Variants in TRAF7 observed in about 807,000 individuals in gnomAD.
TRAF7 encodes TNF receptor associated factor 7.
TRAF7 carries 45 observed loss-of-function variants against 89.3 expected under a neutral mutation model. That is an observed-to-expected ratio of 0.50 (90% CI 0.40 to 0.65). The LOEUF is 0.65. Among genes scored for constraint, TRAF7 ranks in the 30% least tolerant of loss-of-function variants. The probability of loss-of-function intolerance (pLI) is 0.00; values close to 1 mark genes in which losing one functional copy is unlikely to be tolerated. For missense variants in TRAF7, 677 were observed against 918.1 expected, an observed-to-expected ratio of 0.74 and a Z score of 3.39; for synonymous variants, 406 against 369.2, an observed-to-expected ratio of 1.10 and a Z score of -1.14.
At chr16:2,172,746 C>T in intron 9 of TRAF7, 147 bp downstream of exon 9, 1 of 1,117,758 alleles carries the variant, frequency 8.9e-7, no homozygotes, top group South Asian at 1.6e-5. Context: ...GCCCAAGGCC[C>T]TGGAAACCCA....
chr16:2,170,557 C>G lies in TRAF7; in HGVS notation c.232-57C>G. 2.2e-6 allele frequency: 3 copies of G among 1,388,818 alleles called. No individual in the cohort carries two copies. In the South Asian group the frequency reaches 3.6e-5, roughly 17 times the overall value. The allele number at this position is 1,388,818 out of a possible 1,614,324, so 86.0% of individuals were successfully genotyped here. On this transcript the variant is annotated intron_variant, in intron 4 of 20. Transcript: ENST00000326181. The stretch of plus-strand genomic sequence containing the variant: ...CTTCCGCCGGGCTGGGTCCTGTCCT[C>G]CCCGAGGCTCTGACCCCGTGCGGAG...
At chr16:2,171,514 T>C in intron 6 of TRAF7, 58 bp from the exon 7 acceptor site, 2 of 1,611,140 alleles carry the variant, frequency 1.2e-6, no homozygotes, top group East Asian at 2.2e-5. Context: ...GCCATGGCCA[T>C]GGACTAGGGA....
rs1210014347 is a variant in TRAF7 at position 2,162,674 on chromosome 16, G to A, written c.-38-1209G>A. Among the ~76,000 whole-genome samples, 2 of 152,082 alleles carry A rather than the reference G, an allele frequency of 1.3e-5. No individual in the cohort carries two copies. On this transcript the variant is annotated intron_variant, in intron 1 of 20. Coordinates refer to ENST00000326181, the MANE Select transcript of TRAF7 (RefSeq NM_032271.3). The surrounding 1 kb of genome is among the most constrained non-coding windows in gnomAD (Gnocchi z 5.0). The stretch of plus-strand genomic sequence containing the variant: ...GCTGCACCGCCCCCAGAGCAAGCTT[G>A]TTCTGAGGGCTCCTGCCTTGGGAGC...
chr16:2,160,548 GA>G (rs2093054256), intron 1 of TRAF7, among the ~76,000 whole-genome samples: 1 of 130,448 alleles, frequency 7.7e-6, no homozygotes, highest in African/African-American at 3.3e-5. Flanking sequence ...AGGCGGTGTG[GA>G]TGGGCGGGCG....
intron 3 of TRAF7, among the ~76,000 whole-genome samples, chr16:2,167,684 A>T (rs1596673587): frequency 6.6e-6 from 1 of 151,950 alleles, no homozygotes; most frequent in African/African-American, 2.4e-5. Context: ...ATAAAATGGC[A>T]CCCCCAGCTG....
Position 2,163,766 on chromosome 16 carries a change from G to C in TRAF7, c.-38-117G>C, listed in dbSNP as rs552901877. 8.6e-6 allele frequency: 6 copies of C among 694,352 alleles called. No homozygotes were observed. Among genetic ancestry groups the C allele is most frequent in the Non-Finnish European group, 1.5e-5 (6 of 395,034 alleles). 43.0% of individuals were successfully genotyped at this position (694,352 alleles called of 1,614,324 possible). On this transcript the variant is annotated intron_variant, in intron 1 of 20. Coordinates refer to ENST00000326181, the MANE Select transcript of TRAF7 (RefSeq NM_032271.3). The surrounding 1 kb of genome is among the most constrained non-coding windows in gnomAD (Gnocchi z 4.3). ...CCTGAGCCGGGGCTGGTGGTGGAAG[G>C]CTGCTGCGGCGGCCCCACGGTGCCC... is the stretch of plus-strand genomic sequence containing the variant.
chr16:2,172,215 A>C lies in TRAF7; in HGVS notation c.500A>C (p.Lys167Thr), dbSNP rs936416390. The change falls in exon 8 of 21, where the codon AAA (lysine) becomes ACA (threonine). Residue 167 changes from lysine to threonine, a missense_variant. Coordinates refer to ENST00000326181, the MANE Select transcript of TRAF7 (RefSeq NM_032271.3). ...KSEKCPVDNV[K>T]LTVVVNNIAV... The stretch of plus-strand genomic sequence containing the variant: ...GAGAAGTGTCCCGTGGACAACGTCA[A>C]ACTGACCGTGGTGGTGAACAACATC... The C allele has an allele frequency of 6.2e-7, 1 of 1,613,044 alleles. No individual in the cohort carries two copies. Among genetic ancestry groups the C allele is most frequent in the South Asian group, 1.1e-5 (1 of 91,080 alleles).
intron 14 of TRAF7, among the ~76,000 whole-genome samples, chr16:2,174,814 C>T (rs866169206): frequency 1.8e-4 from 27 of 152,338 alleles, no homozygotes; most frequent in Middle Eastern, 6.8e-3. Flanking sequence ...TTTCAGGAGG[C>T]GGCAGCTTGA....
intron 3 of TRAF7, among the ~76,000 whole-genome samples, chr16:2,166,538 G>A (rs2093087198): frequency 1.3e-5 from 2 of 152,148 alleles, no homozygotes; most frequent in Non-Finnish European, 1.5e-5. Flanking sequence ...CCAGGTAGCT[G>A]GGACCACAGG....
chr16:2,169,831 C>T (rs1418008375), intron 4 of TRAF7, among the ~76,000 whole-genome samples: 2 of 152,220 alleles, frequency 1.3e-5, no homozygotes, highest in Non-Finnish European at 2.9e-5. Context: ...TGCCTCTGTG[C>T]TCTGTGGGTT....
At chr16:2,174,919 G>A (rs2093129359) in intron 14 of TRAF7, among the ~76,000 whole-genome samples, 192 bp from the exon 15 acceptor site, 1 of 152,216 alleles carries the variant, frequency 6.6e-6, no homozygotes, top group African/African-American at 2.4e-5. Context: ...GGCATCAGGG[G>A]CTGGCCCGCC....
intron 11 of TRAF7, 116 bp downstream of exon 11, chr16:2,173,670 G>A: frequency 1.3e-6 from 2 of 1,570,680 alleles, no homozygotes; most frequent in African/African-American, 1.4e-5. Context: ...TCTTGTGTGT[G>A]GCAGGGGCTG....
In TRAF7 at chr16:2,161,862, A is replaced by G. The variant is rs1182971810; in HGVS notation, c.-38-2021A>G. Among the ~76,000 whole-genome samples, 1 of 152,158 alleles carries G rather than the reference A, an allele frequency of 6.6e-6. No individual in the cohort carries two copies. The highest frequency in any genetic ancestry group is 1.9e-4 in the East Asian group (1 of 5,184). On this transcript the variant is annotated intron_variant, in intron 1 of 20. Transcript: ENST00000326181. The surrounding 1 kb of genome is among the most constrained non-coding windows in gnomAD (Gnocchi z 5.2). ...GGATAGACATGTGCCAGGGCAGAGCAGCCTTGTAGACACACCACGACCACA... is the reference window on the plus strand; with the variant it reads ...GGATAGACATGTGCCAGGGCAGAGCGGCCTTGTAGACACACCACGACCACA...
intron 1 of TRAF7, among the ~76,000 whole-genome samples, chr16:2,156,427 GAC>G (rs1353951093): frequency 6.6e-6 from 1 of 152,200 alleles, no homozygotes; most frequent in Non-Finnish European, 1.5e-5. Flanking sequence ...CATCTAGACA[GAC>G]AGGGTGGTGG....
chr16:2,163,105 A>T lies in TRAF7; in HGVS notation c.-38-778A>T, dbSNP rs2093064228. The stretch of plus-strand genomic sequence containing the variant: ...ACTGGTGTCCCTGGGCCTGGCCAGC[A>T]CTCCCAGCACCCACGGAGGGGCCAC... On this transcript the variant is annotated intron_variant, in intron 1 of 20. Coordinates refer to ENST00000326181, the MANE Select transcript of TRAF7 (RefSeq NM_032271.3). This position sits in a 1 kb window ranked among gnomAD's most constrained non-coding sequence, Gnocchi z 4.3. 6.6e-6 allele frequency among the ~76,000 whole-genome samples: 1 copy of T among 151,526 alleles called. No homozygotes were observed. Among genetic ancestry groups the T allele is most frequent in the Admixed American group, 6.6e-5 (1 of 15,226 alleles).
Position 2,159,961 on chromosome 16 carries a change from G to A in TRAF7, c.-38-3922G>A, listed in dbSNP as rs917651109. ...TCCAGGTGTGTCTCCAGGGAAAGGG[G>A]TGGGTGTCCGCATCCCACATGCCCC... On this transcript the variant is annotated intron_variant, in intron 1 of 20. Coordinates refer to ENST00000326181, the MANE Select transcript of TRAF7 (RefSeq NM_032271.3). This position sits in a 1 kb window ranked among gnomAD's most constrained non-coding sequence, Gnocchi z 6.5. 6.6e-6 allele frequency among the ~76,000 whole-genome samples: 1 copy of A among 152,244 alleles called. No individual in the cohort carries two copies. The highest frequency in any genetic ancestry group is 1.5e-5 in the Non-Finnish European group (1 of 68,034).
In TRAF7 at chr16:2,159,531, C is replaced by T. The variant is rs1382254435; in HGVS notation, c.-39+3673C>T. ...GGCCTGTTTCTATAGAATTTAGCGG[C>T]CTGGGCTTGGGCCAGGGGGCTGAGG... On this transcript the variant is annotated intron_variant, in intron 1 of 20. Transcript: ENST00000326181. The surrounding 1 kb of genome is among the most constrained non-coding windows in gnomAD (Gnocchi z 6.5). Among the ~76,000 whole-genome samples, 1 of 152,192 alleles carries T rather than the reference C, an allele frequency of 6.6e-6. No homozygotes were observed. Among genetic ancestry groups the T allele is most frequent in the African/African-American group, 2.4e-5 (1 of 41,442 alleles).
At chr16:2,176,217 G>A (rs764092886) in intron 19 of TRAF7, 37 bp downstream of exon 19, 4 of 1,601,432 alleles carry the variant, frequency 2.5e-6, no homozygotes, top group Non-Finnish European at 3.4e-6. Flanking sequence ...AGGCTCAGAG[G>A]GCTGGCAGCT....
Position 2,177,716 on chromosome 16 carries a change from A to C in TRAF7, c.*1142A>C, listed in dbSNP as rs917042380. The C allele has an allele frequency of 2.5e-5, 6 of 239,316 alleles. No homozygotes were observed. Among genetic ancestry groups the C allele is most frequent in the Non-Finnish European group, 3.3e-5 (4 of 121,308 alleles). The allele number at this position is 239,316 out of a possible 1,614,324, so 14.8% of individuals were successfully genotyped here. A position where few individuals can be genotyped will look rare whatever the true frequency, so the allele number is the denominator to read the frequency against. On this transcript the variant is annotated 3_prime_UTR_variant, in exon 21 of 21. Coordinates refer to ENST00000326181, the MANE Select transcript of TRAF7 (RefSeq NM_032271.3). ...CTGCTTCCACGTGGCTGCCACGCTG[A>C]CACACCCACATTCACCAAACCCACC... is the stretch of plus-strand genomic sequence containing the variant.
Sources: gnomAD v4.1 joint callset for allele counts (sites outside exome capture counted in the v4.1 genomes callset) on GRCh38, gnomAD v4.1.1 for gene constraint, Gnocchi (gnomAD v3.1) non-coding constraint, MANE v1.5 for transcripts, NCBI Gene and HGNC (gene_info 2026-07-23, HGNC 2026-07-21) for gene names.